The following ADCY2 variants were observed in gnomAD, a reference collection of about 807,000 sequenced individuals.
ADCY2 encodes adenylate cyclase 2.
A neutral mutation model predicts 125.2 loss-of-function variants in ADCY2; 31 were observed. That is an observed-to-expected ratio of 0.25 (90% confidence interval 0.19 to 0.33). The LOEUF is 0.33. Ranked by LOEUF, ADCY2 falls within the 10% of genes least tolerant of loss-of-function variation. ADCY2 has a pLI of 1.00. For synonymous variants in ADCY2, 512 were observed against 548.4 expected (o/e 0.93, Z 0.93); for missense variants, 904 against 1,418.2 (o/e 0.64, Z 5.82).
chr5:7,747,419 C>T (rs1742661665), intron 15 of ADCY2, among the ~76,000 whole-genome samples: 1 of 152,212 alleles, frequency 6.6e-6, no homozygotes, highest in South Asian at 2.1e-4. Flanking sequence ...TTTCTCCTCT[C>T]ATCCGGCTCT....
At chr5:7,568,360 A>G (rs1735969350) in intron 3 of ADCY2, among the ~76,000 whole-genome samples, 1 of 152,214 alleles carries the variant, frequency 6.6e-6, no homozygotes, top group South Asian at 2.1e-4. Flanking sequence ...AGTAAGATAT[A>G]TTTAAAAGAA....
intron 4 of ADCY2, among the ~76,000 whole-genome samples, chr5:7,666,319 A>G (rs1275364851): frequency 6.6e-6 from 1 of 151,858 alleles, no homozygotes; most frequent in Non-Finnish European, 1.5e-5. Context: ...CCCAGGCTGG[A>G]GTGCAGTGGC....
At chr5:7,771,577 G>A (rs902803480) in intron 17 of ADCY2, among the ~76,000 whole-genome samples, 1 of 152,102 alleles carries the variant, frequency 6.6e-6, no homozygotes, top group Non-Finnish European at 1.5e-5. Context: ...TCCTGCTTGA[G>A]TGCCTCCACT....
intron 22 of ADCY2, among the ~76,000 whole-genome samples, chr5:7,814,022 CA>C (rs202099109): frequency 1.3e-3 from 173 of 132,430 alleles, no homozygotes; most frequent in Middle Eastern, 3.8e-3. Context: ...AGTCGTGAGA[CA>C]AAAAAAAAAA....
intron 3 of ADCY2, among the ~76,000 whole-genome samples, chr5:7,538,870 T>C (rs1156480696): frequency 1.1e-4 from 16 of 146,420 alleles, no homozygotes; most frequent in African/African-American, 3.7e-4. Flanking sequence ...CTTTTCTTTT[T>C]TTTTTTTTTT....
intron 3 of ADCY2, among the ~76,000 whole-genome samples, chr5:7,555,494 A>G (rs2126579728): frequency 6.6e-6 from 1 of 152,314 alleles, no homozygotes; most frequent in Non-Finnish European, 1.5e-5. Flanking sequence ...TTCACTCTAG[A>G]TAGAACACAA....
chr5:7,658,793 G>T (rs1739430515), intron 4 of ADCY2, among the ~76,000 whole-genome samples: 1 of 152,204 alleles, frequency 6.6e-6, no homozygotes, highest in Non-Finnish European at 1.5e-5. Context: ...TTACATGCTG[G>T]ACCGAGGGAA....
intron 2 of ADCY2, among the ~76,000 whole-genome samples, chr5:7,473,844 C>T (rs1396414523): frequency 6.6e-6 from 1 of 152,204 alleles, no homozygotes; most frequent in East Asian, 1.9e-4. Flanking sequence ...AGCCTGTAAA[C>T]AGGAATGTGC....
chr5:7,752,112 G>A (rs961942887), intron 15 of ADCY2, among the ~76,000 whole-genome samples: 1 of 152,200 alleles, frequency 6.6e-6, no homozygotes, highest in Non-Finnish European at 1.5e-5. Context: ...GTGCAGGGAT[G>A]TGGCTCACCC....
intron 3 of ADCY2, among the ~76,000 whole-genome samples, chr5:7,586,492 A>G (rs1228434544): frequency 2.6e-5 from 4 of 152,180 alleles, no homozygotes; most frequent in Non-Finnish European, 5.9e-5. Flanking sequence ...ATTCTGTGTC[A>G]ATTCCTGAGT....
At chr5:7,548,458 C>A (rs1177912415) in intron 3 of ADCY2, among the ~76,000 whole-genome samples, 1 of 151,958 alleles carries the variant, frequency 6.6e-6, no homozygotes, top group Non-Finnish European at 1.5e-5. Flanking sequence ...ACATAGAAAT[C>A]ATTGTAAGAG....
chr5:7,567,556 A>T (rs911738191), intron 3 of ADCY2, among the ~76,000 whole-genome samples: 10 of 151,860 alleles, frequency 6.6e-5, no homozygotes, highest in Admixed American at 2.6e-4. Context: ...TGAAGTATAA[A>T]TTTTTTCTCA....
intron 2 of ADCY2, among the ~76,000 whole-genome samples, chr5:7,499,061 G>A (rs546509417): frequency 1.9e-4 from 29 of 152,324 alleles, no homozygotes; most frequent in African/African-American, 6.5e-4. Context: ...AGGCTGGAGT[G>A]CAGTGGTGCC....
intron 18 of ADCY2, among the ~76,000 whole-genome samples, chr5:7,782,740 A>G (rs1407162633): frequency 6.6e-6 from 1 of 152,260 alleles, no homozygotes; most frequent in African/African-American, 2.4e-5. Flanking sequence ...TTCACTATTC[A>G]ATATAGCATG....
intron 3 of ADCY2, among the ~76,000 whole-genome samples, chr5:7,597,337 C>T (rs925683640): frequency 1.3e-5 from 2 of 152,200 alleles, no homozygotes; most frequent in East Asian, 1.9e-4. Context: ...CCTCAGGCTG[C>T]GCCCAGCTGG....
At chr5:7,470,758 G>A (rs1260009593) in intron 2 of ADCY2, among the ~76,000 whole-genome samples, 1 of 151,216 alleles carries the variant, frequency 6.6e-6, no homozygotes, top group East Asian at 1.9e-4. Context: ...ACCATTGTTG[G>A]ATGAATTGTT....
chr5:7,472,887 C>T (rs1387197706), intron 2 of ADCY2, among the ~76,000 whole-genome samples: 2 of 152,114 alleles, frequency 1.3e-5, no homozygotes, highest in Non-Finnish European at 2.9e-5. Flanking sequence ...GTACCCTTTC[C>T]CCCAGAGAGG....
At position 7,546,903 on chromosome 5, in the gene ADCY2, G is replaced by A. The variant is rs1337197030; in HGVS notation, c.570+26004G>A. On this transcript the variant is annotated intron_variant, in intron 3 of 24. Coordinates refer to ENST00000338316, the MANE Select transcript of ADCY2 (RefSeq NM_020546.3). ...CTCCTTAGAGAAACCTTACTTTATG[G>A]CCCAGGCAAGTCCCCATGTTCCTTC... Among the ~76,000 whole-genome samples, 6 of 152,034 alleles carry A rather than the reference G, an allele frequency of 3.9e-5. No homozygotes were observed. The East Asian group carries it at 1.2e-3, about 29-fold the overall frequency.
intron 11 of ADCY2, among the ~76,000 whole-genome samples, chr5:7,716,389 T>C (rs1458416507): frequency 2.0e-5 from 3 of 152,218 alleles, no homozygotes; most frequent in Non-Finnish European, 4.4e-5. Context: ...CCAGAACCAA[T>C]GTATTCTTTC....
Sources: allele counts gnomAD v4.1 joint callset (sites outside exome capture counted in the v4.1 genomes callset), GRCh38; gene constraint gnomAD v4.1.1; transcripts MANE v1.5; gene names NCBI Gene and HGNC (gene_info 2026-07-23, HGNC 2026-07-21).